Variants in IL20RB observed in about 807,000 individuals in gnomAD.
IL20RB encodes interleukin-20 receptor subunit beta.
Under a neutral mutation model 33.3 loss-of-function variants are expected in IL20RB, and 21 were observed. The observed-to-expected ratio is 0.63, with a 90% CI of 0.45 to 0.91. The LOEUF is 0.91. Among genes scored for constraint, IL20RB ranks in the 40% least tolerant of loss-of-function variants. IL20RB has a pLI of 0.00. For missense variants in IL20RB, 345 were observed against 384.8 expected, an observed-to-expected ratio of 0.90 and a Z score of 0.86; for synonymous variants, 147 against 146.8, an observed-to-expected ratio of 1.00 and a Z score of -0.01.
At position 136,989,506 on chromosome 3, in the gene IL20RB, G is replaced by A; in HGVS notation, c.472G>A (p.Asp158Asn). ...DGFHLVIELE[D>N]LGPQFEFLVA... ...CTTCCACCTGGTTATTGAGCTGGAG[G>A]ACCTGGGGCCCCAGTTTGAGTTCCT... Residue 158 changes from aspartate to asparagine, a missense_variant, in exon 4 of 7, where the codon GAC (aspartate) becomes AAC (asparagine). Transcript: ENST00000329582. 1 of 1,614,130 alleles carries A rather than the reference G, an allele frequency of 6.2e-7. No homozygotes were observed. Among genetic ancestry groups the A allele is most frequent in the Non-Finnish European group, 8.5e-7 (1 of 1,179,978 alleles).
At chr3:136,970,331 G>C (rs1347635250) in intron 1 of IL20RB, among the ~76,000 whole-genome samples, 1 of 152,104 alleles carries the variant, frequency 6.6e-6, no homozygotes, top group Non-Finnish European at 1.5e-5. Context: ...CTGAGCTCAA[G>C]TGATTCACCT....
At position 136,975,769 on chromosome 3, in the gene IL20RB, G is replaced by A. The variant is rs567231270; in HGVS notation, c.89-4697G>A. Among the ~76,000 whole-genome samples, 6 of 152,332 alleles carry A rather than the reference G, an allele frequency of 3.9e-5. No individual in the cohort carries two copies. In the South Asian group the frequency reaches 1.2e-3, roughly 32 times the overall value. ...GGGATGCCAGATGGGCTGGTCTACAGGCCCCAATTGTGGCAGTGGTGGTCT... is the reference window on the plus strand; with the variant it reads ...GGGATGCCAGATGGGCTGGTCTACAAGCCCCAATTGTGGCAGTGGTGGTCT... On this transcript the variant is annotated intron_variant, in intron 1 of 6. Coordinates refer to ENST00000329582, the MANE Select transcript of IL20RB (RefSeq NM_144717.4).
intron 2 of IL20RB, 31 bp downstream of exon 2, chr3:136,980,623 C>T: frequency 6.2e-7 from 1 of 1,613,250 alleles, no homozygotes; most frequent in Non-Finnish European, 8.5e-7. Flanking sequence ...GTTCTTCTCC[C>T]TTAAGCAGAA....
chr3:136,979,592 T>C (rs986601252), intron 1 of IL20RB, among the ~76,000 whole-genome samples: 2 of 152,212 alleles, frequency 1.3e-5, no homozygotes. Flanking sequence ...TTCAGCTTCA[T>C]AGGCCTCTTT....
intron 6 of IL20RB, among the ~76,000 whole-genome samples, chr3:136,997,160 G>T (rs1032722581): frequency 1.3e-5 from 2 of 151,338 alleles, no homozygotes; most frequent in African/African-American, 2.4e-5. Context: ...GTGCAGTGGC[G>T]CAATCTTGGC....
At chr3:136,978,319 C>A (rs1412679800) in intron 1 of IL20RB, among the ~76,000 whole-genome samples, 4 of 151,956 alleles carry the variant, frequency 2.6e-5, no homozygotes, top group Non-Finnish European at 5.9e-5. Context: ...GTGAGTGCCA[C>A]CACACCCAGC....
chr3:136,998,277 A>G (rs1942175372), intron 6 of IL20RB, among the ~76,000 whole-genome samples: 1 of 151,594 alleles, frequency 6.6e-6, no homozygotes, highest in Non-Finnish European at 1.5e-5. Flanking sequence ...CAATATACAT[A>G]TTCTTAACTT....
intron 6 of IL20RB, among the ~76,000 whole-genome samples, chr3:137,009,458 C>T (rs1051556616): frequency 1.3e-5 from 2 of 152,128 alleles, no homozygotes; most frequent in Non-Finnish European, 2.9e-5. Context: ...GTATTGGGCA[C>T]CATGCTAGGT....
intron 5 of IL20RB, among the ~76,000 whole-genome samples, chr3:136,993,548 T>G (rs901283076): frequency 8.5e-5 from 13 of 152,230 alleles, no homozygotes; most frequent in Admixed American, 3.3e-4. Flanking sequence ...ATTAGGTATA[T>G]CTCCTAATGC....
intron 1 of IL20RB, among the ~76,000 whole-genome samples, chr3:136,960,505 G>C (rs1460424432): frequency 1.3e-5 from 2 of 152,152 alleles, no homozygotes; most frequent in Non-Finnish European, 2.9e-5. Context: ...AATAGTGTGT[G>C]ATTCAGAAAG....
intron 6 of IL20RB, among the ~76,000 whole-genome samples, chr3:137,004,512 G>T (rs1378053952): frequency 2.0e-5 from 3 of 152,192 alleles, no homozygotes; most frequent in Non-Finnish European, 4.4e-5. Flanking sequence ...ATGTGTCCAG[G>T]AATTTATCCA....
chr3:136,980,312 G>T, intron 1 of IL20RB, 154 bp from the exon 2 acceptor site: 5 of 735,276 alleles, frequency 6.8e-6, no homozygotes, highest in Admixed American at 2.2e-5. Context: ...TTGAGACAGA[G>T]TCTCATTCTG....
chr3:136,969,580 G>T (rs1299025503), intron 1 of IL20RB, among the ~76,000 whole-genome samples: 1 of 148,464 alleles, frequency 6.7e-6, no homozygotes, highest in Non-Finnish European at 1.5e-5. Flanking sequence ...ACACACACTG[G>T]CCTGCGCACA....
Position 136,982,183 on chromosome 3 carries a change from GCCACATCTGGATCC to G in IL20RB, c.243_256del (p.His81GlnfsTer8). The G allele has an allele frequency of 6.3e-7, 1 of 1,594,622 alleles. No homozygotes were observed. The highest frequency in any genetic ancestry group is 8.6e-7 in the Non-Finnish European group (1 of 1,164,820). The stretch of plus-strand genomic sequence containing the variant: ...AGGGAGTACGAGAGCCTGTACACGA[GCCACATCTGGATCC>G]CCAGCAGCTGGTGCTCACTCACTGA... On this transcript the variant is annotated frameshift_variant, in exon 3 of 7. Coordinates refer to ENST00000329582, the MANE Select transcript of IL20RB (RefSeq NM_144717.4). LOFTEE classifies it high-confidence loss of function.
intron 3 of IL20RB, among the ~76,000 whole-genome samples, chr3:136,987,820 C>T (rs1302934769): frequency 2.6e-5 from 4 of 152,204 alleles, no homozygotes; most frequent in East Asian, 1.9e-4. Flanking sequence ...CCTCCGCAGC[C>T]GCTGGCCCGG....
intron 3 of IL20RB, among the ~76,000 whole-genome samples, chr3:136,987,933 C>T (rs905305764): frequency 4.9e-4 from 74 of 152,314 alleles, no homozygotes; most frequent in African/African-American, 1.8e-3. Context: ...GGCCCGCAAG[C>T]GCCGCGTGCA....
intron 6 of IL20RB, among the ~76,000 whole-genome samples, chr3:136,998,275 A>G (rs1366849342): frequency 6.6e-6 from 1 of 151,516 alleles, no homozygotes; most frequent in Non-Finnish European, 1.5e-5. Flanking sequence ...TACAATATAC[A>G]TATTCTTAAC....
At chr3:136,970,940 C>A (rs2108183415) in intron 1 of IL20RB, among the ~76,000 whole-genome samples, 1 of 152,216 alleles carries the variant, frequency 6.6e-6, no homozygotes, top group South Asian at 2.1e-4. Flanking sequence ...GCATGAGACG[C>A]TGTGCCTGGC....
chr3:136,960,819 G>C (rs537423630), intron 1 of IL20RB, among the ~76,000 whole-genome samples: 134 of 152,314 alleles, frequency 8.8e-4, no homozygotes, highest in African/African-American at 3.1e-3. Context: ...GTAGAAGAAG[G>C]GAGGAGGGAC....
Sources: allele counts gnomAD v4.1 joint callset (sites outside exome capture counted in the v4.1 genomes callset), GRCh38; gene constraint gnomAD v4.1.1; transcripts MANE v1.5; gene names NCBI Gene and HGNC (gene_info 2026-07-23, HGNC 2026-07-21).